KDELR2: variants seen among roughly 807,000 people sequenced by gnomAD.
The protein encoded by KDELR2 is KDEL endoplasmic reticulum protein retention receptor 2.
Under a neutral mutation model 23.9 loss-of-function variants are expected in KDELR2, and 15 were observed. The ratio of observed to expected loss-of-function variants is 0.63; its 90% confidence interval spans 0.42 to 0.97. KDELR2 has a LOEUF of 0.97. Among genes scored for constraint, KDELR2 ranks in the 50% least tolerant of loss-of-function variants. KDELR2 has a pLI of 0.00. For synonymous variants in KDELR2, 119 were observed against 106.2 expected (o/e 1.12, Z -0.74); for missense variants, 272 against 254.6 (o/e 1.07, Z -0.46).
At chr7:6,465,969 G>T in intron 4 of KDELR2, 102 bp downstream of exon 4, 1 of 1,219,956 alleles carries the variant, frequency 8.2e-7, no homozygotes, top group Non-Finnish European at 1.1e-6. Flanking sequence ...TGTTTCTCTG[G>T]AGCCAGTTTA....
intron 1 of KDELR2, among the ~76,000 whole-genome samples, chr7:6,480,319 G>A (rs1785863703): frequency 6.6e-6 from 1 of 152,300 alleles, no homozygotes; most frequent in Middle Eastern, 3.4e-3. Context: ...TTGTTCTTCC[G>A]AGGTTATGTA....
At chr7:6,464,918 T>A (rs1261537954) in intron 4 of KDELR2, among the ~76,000 whole-genome samples, 1 of 151,864 alleles carries the variant, frequency 6.6e-6, no homozygotes. Context: ...GTATTTTTAG[T>A]AGAGATGGGG....
chr7:6,480,318 C>T (rs77619625), intron 1 of KDELR2, among the ~76,000 whole-genome samples: 5,243 of 152,240 alleles, frequency 0.034, 136 homozygotes, highest in Non-Finnish European at 0.054. Context: ...CTTGTTCTTC[C>T]GAGGTTATGT....
At chr7:6,474,617 A>T (rs774138586) in intron 1 of KDELR2, among the ~76,000 whole-genome samples, 5 of 152,172 alleles carry the variant, frequency 3.3e-5, no homozygotes, top group Admixed American at 6.6e-5. Flanking sequence ...TTTCTCAATA[A>T]TTCTGCTGTC....
intron 3 of KDELR2, 68 bp from the exon 4 acceptor site, chr7:6,466,391 G>A: frequency 6.4e-7 from 1 of 1,571,546 alleles, no homozygotes; most frequent in Non-Finnish European, 8.6e-7. Flanking sequence ...AAACACTCTT[G>A]CTTTCTTTAC....
chr7:6,477,967 A>G (rs368261067), intron 1 of KDELR2, among the ~76,000 whole-genome samples: 2 of 152,306 alleles, frequency 1.3e-5, no homozygotes, highest in East Asian at 3.9e-4. Flanking sequence ...AAATAATGCA[A>G]ATTAAAACAC....
At chr7:6,468,953 CTCT>C (rs1185678195) in intron 3 of KDELR2, among the ~76,000 whole-genome samples, 5 of 149,850 alleles carry the variant, frequency 3.3e-5, no homozygotes, top group Non-Finnish European at 7.4e-5. Flanking sequence ...CCTAAATAAC[CTCT>C]TTTTTTTTTT....
At chr7:6,483,614 C>T (rs1044293109) in intron 1 of KDELR2, among the ~76,000 whole-genome samples, 1 of 152,204 alleles carries the variant, frequency 6.6e-6, no homozygotes, top group Non-Finnish European at 1.5e-5. Context: ...AGATCCCGGC[C>T]GGAGAAGCGC....
rs576534522 is a variant in KDELR2, at chr7:6,466,846, A to G, written c.352-523T>C. ...TGAATGCTGCCAGTTATCTGACAGG[A>G]GGTGGAGCTTGGGCAGTAATGTGAG... On this transcript the variant is annotated intron_variant, in intron 3 of 4. Transcript: ENST00000258739. Among the ~76,000 whole-genome samples the G allele has an allele frequency of 2.6e-5, 4 of 152,142 alleles. No homozygotes were observed. In the South Asian group the frequency reaches 8.3e-4, roughly 32 times the overall value.
At chr7:6,467,708 C>A (rs1785531102) in intron 3 of KDELR2, among the ~76,000 whole-genome samples, 1 of 152,096 alleles carries the variant, frequency 6.6e-6, no homozygotes, top group Non-Finnish European at 1.5e-5. Flanking sequence ...TTGCAGTGAG[C>A]CGAGATCATG....
At position 6,484,065 on chromosome 7, in the gene KDELR2, G is replaced by A; in HGVS notation, c.-8C>T. On this transcript the variant is annotated 5_prime_UTR_variant, in exon 1 of 5. Transcript: ENST00000258739. ...CAGCCGGAAAATGTTCATGGCGGCGGCGGCGGTGGCGGTCGGCGCAGCGCG... is the reference window on the plus strand; with the variant it reads ...CAGCCGGAAAATGTTCATGGCGGCGACGGCGGTGGCGGTCGGCGCAGCGCG... 2 of 1,486,328 alleles carry A rather than the reference G, an allele frequency of 1.3e-6. No individual in the cohort carries two copies. Among genetic ancestry groups the A allele is most frequent in the Non-Finnish European group, 1.8e-6 (2 of 1,113,530 alleles). 92.1% of individuals were successfully genotyped at this position (1,486,328 alleles called of 1,614,324 possible).
At chr7:6,466,934 T>C (rs181322489) in intron 3 of KDELR2, among the ~76,000 whole-genome samples, 1 of 152,248 alleles carries the variant, frequency 6.6e-6, no homozygotes, top group Admixed American at 6.5e-5. Context: ...CATCTCCTCC[T>C]GGGTGGCCTG....
At chr7:6,481,904 C>G (rs1047348982) in intron 1 of KDELR2, among the ~76,000 whole-genome samples, 2 of 152,118 alleles carry the variant, frequency 1.3e-5, no homozygotes, top group Admixed American at 6.6e-5. Context: ...CTAATTTATT[C>G]CACTCCCTAA....
At chr7:6,478,521 A>T (rs566456065) in intron 1 of KDELR2, among the ~76,000 whole-genome samples, 145 of 152,200 alleles carry the variant, frequency 9.5e-4, no homozygotes, top group Non-Finnish European at 1.6e-3. Flanking sequence ...TCTTCAGTGA[A>T]TTGCCAACTT....
At chr7:6,473,484 G>C (rs1322322816) in intron 2 of KDELR2, among the ~76,000 whole-genome samples, 1 of 152,184 alleles carries the variant, frequency 6.6e-6, no homozygotes, top group South Asian at 2.1e-4. Flanking sequence ...GCTACACAAA[G>C]TGTTAGGTGG....
chr7:6,469,829 C>T (rs1785588917), intron 2 of KDELR2, 75 bp from the exon 3 acceptor site: 9 of 1,307,040 alleles, frequency 6.9e-6, no homozygotes, highest in Non-Finnish European at 9.3e-6. Context: ...TTTTAATCAC[C>T]CATGTATTTG....
chr7:6,464,615 T>C (rs1785460843), intron 4 of KDELR2, among the ~76,000 whole-genome samples: 1 of 151,906 alleles, frequency 6.6e-6, no homozygotes, highest in African/African-American at 2.4e-5. Flanking sequence ...TCGCTTGAAC[T>C]TGGGAGGCAG....
chr7:6,464,347 C>T (rs1366103731), intron 4 of KDELR2, among the ~76,000 whole-genome samples: 1 of 151,430 alleles, frequency 6.6e-6, no homozygotes, highest in Non-Finnish European at 1.5e-5. Context: ...GGTGAAACCC[C>T]GTCTCTATTA....
At chr7:6,480,917 C>T (rs1785874055) in intron 1 of KDELR2, among the ~76,000 whole-genome samples, 1 of 152,158 alleles carries the variant, frequency 6.6e-6, no homozygotes, top group Admixed American at 6.6e-5. Context: ...CATCCTAAGT[C>T]TGAGAACAAG....
Sources: allele counts gnomAD v4.1 joint callset (sites outside exome capture counted in the v4.1 genomes callset), GRCh38; gene constraint gnomAD v4.1.1; transcripts MANE v1.5; gene names NCBI Gene and HGNC (gene_info 2026-07-23, HGNC 2026-07-21).